ANK1: variants seen among roughly 807,000 people sequenced by gnomAD.
ANK1 encodes the protein ankyrin-1.
ANK1 carries 51 observed loss-of-function variants against 210.4 expected under a neutral mutation model. The observed-to-expected ratio is 0.24, with a 90% CI of 0.19 to 0.31. ANK1 has a LOEUF of 0.31. Ranked by LOEUF, ANK1 falls within the 10% of genes least tolerant of loss-of-function variation. The pLI is 1.00. For synonymous variants in ANK1, 967 were observed against 1,025.9 expected, an observed-to-expected ratio of 0.94 and a Z score of 1.10; for missense variants, 2,051 against 2,504.4, an observed-to-expected ratio of 0.82 and a Z score of 3.86.
At position 41,688,607 on chromosome 8, in the gene ANK1, G is replaced by A. The variant is rs560510547; in HGVS notation, c.4105-18C>T. 1 of 1,612,786 alleles carries A rather than the reference G, an allele frequency of 6.2e-7. No homozygotes were observed. The highest frequency in any genetic ancestry group is 8.5e-7 in the Non-Finnish European group (1 of 1,178,794). On this transcript the variant is annotated intron_variant, in intron 33 of 42. Transcript: ENST00000289734. ...CCACTTCCCTGCAGAAGAAGAAAGG[G>A]TGCTTTGGGTTTTGGACTCTCCCCA... is the stretch of plus-strand genomic sequence containing the variant.
At chr8:41,791,454 T>C (rs898749227) in intron 1 of ANK1, among the ~76,000 whole-genome samples, 2 of 151,092 alleles carry the variant, frequency 1.3e-5, no homozygotes, top group African/African-American at 4.9e-5. Context: ...TTTCTTTTTT[T>C]TTTTTTGAAC....
At position 41,749,617 on chromosome 8, in the gene ANK1, C is replaced by CT. The variant is rs368621785; in HGVS notation, c.129+8418dup. Among the ~76,000 whole-genome samples the CT allele has an allele frequency of 7.4e-3, 920 of 123,742 alleles. 4 individuals carry two copies. Among genetic ancestry groups the CT allele is most frequent in the African/African-American group, 0.023 (769 of 33,306 alleles). 81.2% of individuals were successfully genotyped at this position (123,742 alleles called of 152,430 possible). A position where few individuals can be genotyped will look rare whatever the true frequency, so the allele number is the denominator to read the frequency against. The stretch of plus-strand genomic sequence containing the variant: ...CTGGCCTCATCTTGGACTTCTTCTT[C>CT]TTTTTTTTTTTTGAGAAGGAGTTTC... On this transcript the variant is annotated intron_variant, in intron 2 of 42. Transcript: ENST00000289734.
intron 2 of ANK1, among the ~76,000 whole-genome samples, chr8:41,750,165 T>C (rs1837334539): frequency 6.6e-6 from 1 of 152,222 alleles, no homozygotes; most frequent in African/African-American, 2.4e-5. Flanking sequence ...CAGAAATTAT[T>C]GTTATAGGCG....
intron 1 of ANK1, among the ~76,000 whole-genome samples, chr8:41,876,590 A>G (rs901762233): frequency 1.3e-5 from 2 of 152,246 alleles, no homozygotes; most frequent in African/African-American, 2.4e-5. Flanking sequence ...AGGCTTGTCC[A>G]AGTCGGAAAC....
At chr8:41,795,561 T>C (rs1848597188) in intron 1 of ANK1, among the ~76,000 whole-genome samples, 1 of 151,950 alleles carries the variant, frequency 6.6e-6, no homozygotes, top group South Asian at 2.1e-4. Flanking sequence ...TAATTACAGC[T>C]GCTTGAGCCA....
intron 23 of ANK1, among the ~76,000 whole-genome samples, chr8:41,698,694 C>A (rs1821799130): frequency 6.6e-6 from 1 of 152,142 alleles, no homozygotes; most frequent in Non-Finnish European, 1.5e-5. Flanking sequence ...GGCAGGCAGA[C>A]CCGGATCTCC....
At chr8:41,680,626 C>A (rs1338008404) in intron 37 of ANK1, among the ~76,000 whole-genome samples, 3 of 151,932 alleles carry the variant, frequency 2.0e-5, no homozygotes, top group African/African-American at 7.3e-5. Flanking sequence ...TGCAGGAAGT[C>A]CCTACTTGTC....
At chr8:41,868,320 C>G (rs1814860902) in intron 1 of ANK1, among the ~76,000 whole-genome samples, 1 of 144,838 alleles carries the variant, frequency 6.9e-6, no homozygotes, top group South Asian at 2.1e-4. Context: ...CTACTAGGTG[C>G]TGGTTGCACC....
intron 1 of ANK1, among the ~76,000 whole-genome samples, chr8:41,761,288 A>G (rs1840364496): frequency 6.6e-6 from 1 of 151,402 alleles, no homozygotes; most frequent in Admixed American, 6.6e-5. Flanking sequence ...CATGCACACC[A>G]AGAGATGCAT....
At position 41,699,457 on chromosome 8, in the gene ANK1, G is replaced by A. The variant is rs1294830276; in HGVS notation, c.2553C>T (p.Asp851=). Residue 851 remains aspartate, a synonymous_variant, in exon 23 of 43, where the codon GAC becomes GAT. Transcript: ENST00000289734. ...CTCCCGGGAGCACTGCTCACACTTG[G>A]TCTAGCTTCGGCACAAAATCCAGCA... ...KELLDFVPKL[D]QVVESPAIPR... is the part of the protein sequence containing the mutation. 5.6e-6 allele frequency: 9 copies of A among 1,614,048 alleles called. No homozygotes were observed. Among genetic ancestry groups the A allele is most frequent in the South Asian group, 1.1e-5 (1 of 91,084 alleles).
intron 1 of ANK1, among the ~76,000 whole-genome samples, chr8:41,810,125 A>G (rs1802267043): frequency 6.6e-6 from 1 of 152,224 alleles, no homozygotes; most frequent in Non-Finnish European, 1.5e-5. Context: ...TTAAAACATT[A>G]AAACATCCTG....
chr8:41,700,688 T>C (rs764276324), intron 22 of ANK1, among the ~76,000 whole-genome samples: 2 of 152,182 alleles, frequency 1.3e-5, no homozygotes, highest in Non-Finnish European at 2.9e-5. Context: ...TAATTAGTGA[T>C]GAAATAAGGT....
Position 41,693,988 on chromosome 8 carries a change from G to C in ANK1, c.3442C>G (p.Arg1148Gly), listed in dbSNP as rs148589308. 6.2e-7 allele frequency: 1 copy of C among 1,614,100 alleles called. No homozygotes were observed. The highest frequency in any genetic ancestry group is 1.7e-5 in the Admixed American group (1 of 60,020). ...RRKFHRPIGL[R>G]IPLPPSWTDN... ...GTCCAGGAAGGAGGTAGTGGGATCC[G>C]AAGCCCAATGGGGCGGTGGAACTTC... Residue 1148 changes from arginine (R) to glycine (G), a missense_variant, in exon 29 of 43, where the codon CGG becomes GGG. Transcript: ENST00000289734.
intron 1 of ANK1, among the ~76,000 whole-genome samples, chr8:41,826,487 C>T (rs1229156719): frequency 6.6e-6 from 1 of 152,154 alleles, no homozygotes; most frequent in African/African-American, 2.4e-5. Context: ...CTGCCTGGGC[C>T]TCTGGATTCC....
intron 33 of ANK1, among the ~76,000 whole-genome samples, chr8:41,689,238 C>T (rs1318640441): frequency 6.6e-6 from 1 of 152,128 alleles, no homozygotes; most frequent in Middle Eastern, 3.2e-3. Flanking sequence ...ATCCTTCTGC[C>T]TCAGCCTCTC....
At chr8:41,864,970 A>C (rs1255707797) in intron 1 of ANK1, among the ~76,000 whole-genome samples, 3 of 152,212 alleles carry the variant, frequency 2.0e-5, no homozygotes, top group Admixed American at 1.3e-4. Context: ...ACACATGGCA[A>C]GAGGGGACCA....
intron 38 of ANK1, among the ~76,000 whole-genome samples, chr8:41,670,734 C>A (rs1208186495): frequency 6.6e-6 from 1 of 152,136 alleles, no homozygotes; most frequent in African/African-American, 2.4e-5. Flanking sequence ...ACAGGTGGGA[C>A]TGAGGGGTCA....
chr8:41,856,874 C>CTTTTTTT lies in ANK1; in HGVS notation c.126+39474_126+39480dup, dbSNP rs35341809. ...TTTCGCCTTGGTGCTTAACAGCCCT[C>CTTTTTTT]TTTTTTTTTTTTTTTTTTTTTTTTT... On this transcript the variant is annotated intron_variant, in intron 1 of 42. Transcript: ENST00000265709. 2.2e-3 allele frequency among the ~76,000 whole-genome samples: 212 copies of CTTTTTTT among 95,264 alleles called. 6 individuals carry two copies. The highest frequency in any genetic ancestry group is 9.6e-3 in the African/African-American group (201 of 20,832). The allele number at this position is 95,264 out of a possible 152,430, so 62.5% of individuals were successfully genotyped here.
intron 10 of ANK1, among the ~76,000 whole-genome samples, chr8:41,718,418 C>G (rs1828315931): frequency 6.6e-6 from 1 of 152,176 alleles, no homozygotes; most frequent in Admixed American, 6.5e-5. Flanking sequence ...ACTTGATGCA[C>G]TAGATATGTT....
Sources: gnomAD v4.1 joint callset for allele counts (sites outside exome capture counted in the v4.1 genomes callset) on GRCh38, gnomAD v4.1.1 for gene constraint, MANE v1.5 for transcripts, NCBI Gene and HGNC (gene_info 2026-07-23, HGNC 2026-07-21) for gene names.